Variants in UPF3B observed in about 807,000 individuals in gnomAD.
UPF3B encodes the protein regulator of nonsense transcripts 3B.
Under a neutral mutation model 40.3 loss-of-function variants are expected in UPF3B, and 7 were observed. The observed-to-expected ratio is 0.17, with a 90% CI of 0.10 to 0.33. UPF3B has a LOEUF of 0.33. Ranked by LOEUF, UPF3B falls within the 10% of genes least tolerant of loss-of-function variation. UPF3B has a pLI of 1.00. For missense variants in UPF3B, 229 were observed against 358.9 expected (o/e 0.64, Z 2.93); for synonymous variants, 117 against 117.3 (o/e 1.00, Z 0.01).
At chrX:119,821,350 A>T (rs1044619301) in intron 4 of UPF3B, among the ~76,000 whole-genome samples, 2 of 112,904 alleles carry the variant, frequency 1.8e-5, no homozygotes, top group Admixed American at 9.4e-5. Context: ...ATTTATAGCA[A>T]TGCAAGAACG....
rs1399189354 is a variant in UPF3B, at chrX:119,824,381, T to A, written c.393-1338A>T. ...GATTGGTACATGTTTGCTAAATGAA[T>A]GAGCAAATGGAAGAAATTGAAGAGG... is the stretch of plus-strand genomic sequence containing the variant. On this transcript the variant is annotated intron_variant, in intron 3 of 6. Transcript: ENST00000636792. Among the ~76,000 whole-genome samples the A allele has an allele frequency of 8.0e-5, 8 of 99,967 alleles. No homozygotes were observed. The East Asian group carries it at 1.9e-3, about 23-fold the overall frequency. 86.8% of individuals were successfully genotyped at this position (99,967 alleles called of 115,157 possible).
At chrX:119,824,925 C>G (rs1198190680) in intron 3 of UPF3B, among the ~76,000 whole-genome samples, 2 of 109,524 alleles carry the variant, frequency 1.8e-5, no homozygotes, top group African/African-American at 6.6e-5. Flanking sequence ...CACCACCATG[C>G]CCGGCTAATT....
intron 4 of UPF3B, among the ~76,000 whole-genome samples, chrX:119,815,875 G>A (rs1042649454): frequency 3.6e-5 from 4 of 111,316 alleles, no homozygotes; most frequent in Non-Finnish European, 5.7e-5. Flanking sequence ...TCTGCCTCCC[G>A]GGTTCAAGCG....
At chrX:119,807,027 TAAA>T (rs1191950024) in intron 6 of UPF3B, among the ~76,000 whole-genome samples, 4 of 21,424 alleles carry the variant, frequency 1.9e-4, no homozygotes, top group Admixed American at 1.4e-3. Flanking sequence ...AGACCCTGTC[TAAA>T]AAAAAAAAAA....
rs1335272999 is a variant in UPF3B, at chrX:119,822,916, T to C, written c.494+26A>G. On this transcript the variant is annotated intron_variant, in intron 4 of 6. Coordinates refer to the UPF3B transcript ENST00000636792. ...AGCCACCACGCCCGGCCTCTCCTCT[T>C]CTTTTCTATGGCTAATACCACTTTC... 4.5e-6 allele frequency: 4 copies of C among 898,055 alleles called. No homozygotes were observed. In the East Asian group the frequency reaches 2.5e-4, roughly 56 times the overall value. The allele number at this position is 898,055 out of a possible 1,213,427, so 74.0% of individuals were successfully genotyped here.
Position 119,842,580 on chromosome X carries a change from T to TCACACACA in UPF3B, c.580+603_580+610dup, listed in dbSNP as rs773370806. On this transcript the variant is annotated intron_variant, in intron 5 of 10. Transcript: ENST00000276201. ...GGGCGACAGAGCAAGACTCCATCTC[T>TCACACACA]CACACACACACACACACACACACAT... is the stretch of plus-strand genomic sequence containing the variant. 5.7e-3 allele frequency among the ~76,000 whole-genome samples: 404 copies of TCACACACA among 71,054 alleles called. 5 individuals carry two copies. The highest frequency in any genetic ancestry group is 0.033 in the Middle Eastern group (5 of 151). The allele number at this position is 71,054 out of a possible 115,157, so 61.7% of individuals were successfully genotyped here. A position where few individuals can be genotyped will look rare whatever the true frequency, so the allele number is the denominator to read the frequency against.
chrX:119,834,773 G>A lies in UPF3B; in HGVS notation c.*105C>T, dbSNP rs1375734266. 1.2e-5 allele frequency: 14 copies of A among 1,204,203 alleles called. No homozygotes were observed. The South Asian group carries it at 1.6e-4, about 14-fold the overall frequency. The stretch of plus-strand genomic sequence containing the variant: ...CTGCAGTGTACCCCACCAGCACAGC[G>A]GCTCCCTTTCTCTCTATTCTTTGCC... On this transcript the variant is annotated 3_prime_UTR_variant, in exon 11 of 11. Coordinates refer to ENST00000276201, the MANE Select transcript of UPF3B (RefSeq NM_080632.3).
At chrX:119,845,780 T>C (rs1322131794) in intron 3 of UPF3B, among the ~76,000 whole-genome samples, 1 of 110,766 alleles carries the variant, frequency 9.0e-6, no homozygotes, top group African/African-American at 3.3e-5. Flanking sequence ...CCTATGAATA[T>C]ACTAAAATTC....
chrX:119,812,262 A>G (rs2428990), intron 5 of UPF3B, among the ~76,000 whole-genome samples: 5,508 of 105,890 alleles, frequency 0.052, 338 homozygotes, highest in African/African-American at 0.19. Flanking sequence ...TAAAAAAAAA[A>G]GAAAAAAATC....
At chrX:119,840,873 C>T (rs895386025) in intron 7 of UPF3B, among the ~76,000 whole-genome samples, 189 bp from the exon 8 acceptor site, 2 of 111,805 alleles carry the variant, frequency 1.8e-5, no homozygotes, top group African/African-American at 6.5e-5. Context: ...GAAGAAATAA[C>T]ATACTACTTT....
intron 3 of UPF3B, among the ~76,000 whole-genome samples, chrX:119,849,818 G>A (rs1316956965): frequency 1.8e-5 from 2 of 111,095 alleles, no homozygotes; most frequent in African/African-American, 3.3e-5. Flanking sequence ...TGGTTGTCTA[G>A]GCATTAAGTG....
chrX:119,841,353 C>CT, intron 6 of UPF3B, 95 bp from the exon 7 acceptor site: 1 of 1,163,651 alleles, frequency 8.6e-7, no homozygotes. Context: ...ACTGAATAAT[C>CT]TTTCCTTCCT....
downstream of UPF3B, among the ~76,000 whole-genome samples, chrX:119,831,319 CT>C (rs1171859009): frequency 9.4e-6 from 1 of 106,577 alleles, no homozygotes; most frequent in Non-Finnish European, 1.9e-5. Flanking sequence ...TCTCCTCCTC[CT>C]TTTTTTGTTT....
At chrX:119,838,558 G>C in intron 8 of UPF3B, 31 bp from the exon 9 acceptor site, 1 of 1,188,066 alleles carries the variant, frequency 8.4e-7, no homozygotes, top group East Asian at 3.0e-5. Flanking sequence ...TTTTTATTTT[G>C]AAGGCTGGGA....
At chrX:119,825,572 G>A (rs2055970856) in intron 3 of UPF3B, among the ~76,000 whole-genome samples, 2 of 111,401 alleles carry the variant, frequency 1.8e-5, no homozygotes, top group Admixed American at 9.7e-5. Flanking sequence ...CTAGTTTGAG[G>A]CATTAAAAAA....
intron 1 of UPF3B, 94 bp downstream of exon 1, chrX:119,852,679 C>A: frequency 8.7e-7 from 1 of 1,154,951 alleles, no homozygotes; most frequent in Non-Finnish European, 1.2e-6. Context: ...AGAAGGAGAA[C>A]CTGAGAAAGA....
intron 8 of UPF3B, among the ~76,000 whole-genome samples, chrX:119,840,383 AAG>A (rs1303573352): frequency 9.0e-6 from 1 of 111,727 alleles, no homozygotes; most frequent in Non-Finnish European, 1.9e-5. Context: ...GAAGATGAGA[AAG>A]AACTATATAG....
chrX:119,837,342 G>A (rs762364951), intron 10 of UPF3B, among the ~76,000 whole-genome samples: 13 of 109,629 alleles, frequency 1.2e-4, no homozygotes, highest in Non-Finnish European at 2.3e-4. Flanking sequence ...TTGGTCAGGC[G>A]TGGTGGCTCA....
At chrX:119,852,023 C>A in intron 1 of UPF3B, 150 bp from the exon 2 acceptor site, 1 of 456,332 alleles carries the variant, frequency 2.2e-6, no homozygotes, top group Non-Finnish European at 3.8e-6. Context: ...GCCCAATGCT[C>A]AGAATTAGTC....
Sources: gnomAD v4.1 joint callset for allele counts (sites outside exome capture counted in the v4.1 genomes callset) on GRCh38, gnomAD v4.1.1 for gene constraint, MANE v1.5 for transcripts, NCBI Gene and HGNC (gene_info 2026-07-23, HGNC 2026-07-21) for gene names.